Variants in BBS12 observed in about 807,000 individuals in gnomAD.
The protein encoded by BBS12 is Bardet-Biedl syndrome 12, also known as chaperonin-containing T-complex member BBS12.
BBS12 carries 5 observed loss-of-function variants against 5.6 expected under a neutral mutation model. The observed-to-expected ratio is 0.89, with a 90% confidence interval of 0.46 to 1.86. BBS12 has a LOEUF of 1.86. Ranked by LOEUF, BBS12 falls within the 40% of genes most tolerant of loss-of-function variation. The probability of loss-of-function intolerance (pLI) is 0.01; values close to 1 mark genes in which losing one functional copy is unlikely to be tolerated. For missense variants in BBS12, 748 were observed against 830.4 expected, an observed-to-expected ratio of 0.90 and a Z score of 1.22; for synonymous variants, 308 against 306.8, an observed-to-expected ratio of 1.00 and a Z score of -0.04.
At position 122,741,947 on chromosome 4, in the gene BBS12, C is replaced by T. The variant is rs774687466; in HGVS notation, c.55C>T (p.Leu19Phe). 1 of 1,613,944 alleles carries T rather than the reference C, an allele frequency of 6.2e-7. No homozygotes were observed. The highest frequency in any genetic ancestry group is 2.2e-5 in the East Asian group (1 of 44,864). Residue 19 changes from leucine to phenylalanine, a missense_variant, in exon 2 of 2, where the codon CTT (leucine) becomes TTT (phenylalanine). Leu to Phe is a conservative substitution (Grantham distance 22, BLOSUM62 0). Transcript: ENST00000314218. ...AAGAAGACACATGGGACTTCAACAA[C>T]TTTCATCATTCGCGGAAACAGGAAG... ...NKRRHMGLQQ[L>F]SSFAETGRTF... is the part of the protein sequence containing the mutation.
intron 1 of BBS12, among the ~76,000 whole-genome samples, chr4:122,734,529 G>C (rs1800757805): frequency 6.6e-6 from 1 of 152,152 alleles, no homozygotes; most frequent in South Asian, 2.1e-4. Flanking sequence ...GCCTCTCAAA[G>C]TGCTGGGATT....
chr4:122,704,039 G>A, the BBS12 span, among the ~76,000 whole-genome samples: 1 of 151,966 alleles, frequency 6.6e-6, no homozygotes, highest in Non-Finnish European at 1.5e-5. Context: ...TTGTAGAGAC[G>A]GTATCCCACT....
At chr4:122,712,932 T>G in the BBS12 span, among the ~76,000 whole-genome samples, 25 of 152,192 alleles carry the variant, frequency 1.6e-4, no homozygotes, top group Non-Finnish European at 3.1e-4. Context: ...AGATAAAATA[T>G]CTCAAGATGT....
chr4:122,702,284 A>G, the BBS12 span, among the ~76,000 whole-genome samples: 2 of 152,198 alleles, frequency 1.3e-5, no homozygotes, highest in African/African-American at 2.4e-5. Flanking sequence ...TCTGTTATCC[A>G]GACTGGAGAC....
At chr4:122,703,669 A>G in the BBS12 span, among the ~76,000 whole-genome samples, 1 of 152,222 alleles carries the variant, frequency 6.6e-6, no homozygotes. Flanking sequence ...TCCACTACCC[A>G]TTAACCTGAC....
the BBS12 span, among the ~76,000 whole-genome samples, chr4:122,712,903 G>A: frequency 2.6e-5 from 4 of 152,170 alleles, no homozygotes; most frequent in African/African-American, 9.7e-5. Flanking sequence ...TGTCCTTTCT[G>A]TACATCTGAA....
Position 122,742,365 on chromosome 4 carries a change from G to A in BBS12, c.473G>A (p.Cys158Tyr). The A allele has an allele frequency of 6.2e-7, 1 of 1,614,160 alleles. No homozygotes were observed. The highest frequency in any genetic ancestry group is 8.5e-7 in the Non-Finnish European group (1 of 1,180,020). The change falls in exon 2 of 2, where the codon TGT (cysteine) becomes TAT (tyrosine). Residue 158 changes from cysteine to tyrosine, a missense_variant. Transcript: ENST00000314218. Reference protein sequence around the residue: ...SQLETFSVSLCPFLQVPSDTD... With the variant: ...SQLETFSVSLYPFLQVPSDTD... ...CTTGAAACATTTAGTGTAAGTTTGTGTCCTTTTCTACAGGTCCCTTCAGAT... is the reference window on the plus strand; with the variant it reads ...CTTGAAACATTTAGTGTAAGTTTGTATCCTTTTCTACAGGTCCCTTCAGAT...
the BBS12 span, among the ~76,000 whole-genome samples, chr4:122,709,454 CT>C: frequency 2.0e-5 from 3 of 152,086 alleles, no homozygotes; most frequent in African/African-American, 7.2e-5. Context: ...TTCACTCTTG[CT>C]GGATAACTAC....
the BBS12 span, among the ~76,000 whole-genome samples, chr4:122,705,924 C>A: frequency 6.6e-6 from 1 of 152,200 alleles, no homozygotes; most frequent in Non-Finnish European, 1.5e-5. Flanking sequence ...ATATAACTGA[C>A]TGATATCAGT....
chr4:122,718,978 C>A, the BBS12 span, among the ~76,000 whole-genome samples: 2 of 152,204 alleles, frequency 1.3e-5, no homozygotes, highest in East Asian at 3.9e-4. Context: ...CACCACCATG[C>A]CCGGCTAATT....
chr4:122,721,048 C>T, the BBS12 span, among the ~76,000 whole-genome samples: 3 of 151,876 alleles, frequency 2.0e-5, no homozygotes, highest in African/African-American at 4.8e-5. Context: ...AATTAAAATG[C>T]TAAAAGAAAA....
chr4:122,737,806 T>A (rs996174995), intron 1 of BBS12, among the ~76,000 whole-genome samples: 1 of 152,240 alleles, frequency 6.6e-6, no homozygotes, highest in Non-Finnish European at 1.5e-5. Flanking sequence ...AAACCTGTGG[T>A]ACTGGCATAA....
chr4:122,727,644 C>G, the BBS12 span, among the ~76,000 whole-genome samples: 2 of 149,026 alleles, frequency 1.3e-5, no homozygotes, highest in African/African-American at 5.0e-5. Flanking sequence ...ACCTCCGCCT[C>G]CGGGGTTCAA....
At chr4:122,723,329 A>C in the BBS12 span, among the ~76,000 whole-genome samples, 1 of 152,202 alleles carries the variant, frequency 6.6e-6, no homozygotes, top group African/African-American at 2.4e-5. Flanking sequence ...TTTTCCTTAA[A>C]TGGTAATAGA....
At chr4:122,721,828 A>T in the BBS12 span, among the ~76,000 whole-genome samples, 1 of 152,182 alleles carries the variant, frequency 6.6e-6, no homozygotes, top group Admixed American at 6.5e-5. Flanking sequence ...ACCACATTTT[A>T]TTGGTTAAAA....
Position 122,743,350 on chromosome 4 carries a change from C to T in BBS12, c.1458C>T (p.Asn486=). Residue 486 remains asparagine, a synonymous_variant, in exon 2 of 2, where the codon AAC becomes AAT. Transcript: ENST00000314218. ...CTTTGGATGTTGTAGATAGGAACAA[C>T]AGAATCGCAATCTTATTAAAAACAG... ...SSPLDVVDRN[N]RIAILLKTEG... The T allele has an allele frequency of 2.5e-6, 4 of 1,614,144 alleles. No individual in the cohort carries two copies. The South Asian group carries it at 4.4e-5, about 18-fold the overall frequency.
chr4:122,711,958 A>G, the BBS12 span, among the ~76,000 whole-genome samples: 3 of 152,206 alleles, frequency 2.0e-5, no homozygotes, highest in Admixed American at 2.0e-4. Flanking sequence ...GCCAGGAGAG[A>G]GAAGAAACAC....
the BBS12 span, among the ~76,000 whole-genome samples, chr4:122,702,288 T>C: frequency 6.6e-6 from 1 of 152,188 alleles, no homozygotes; most frequent in Admixed American, 6.5e-5. Flanking sequence ...TTATCCAGAC[T>C]GGAGACCAGC....
At chr4:122,725,650 G>A in the BBS12 span, among the ~76,000 whole-genome samples, 4 of 152,058 alleles carry the variant, frequency 2.6e-5, no homozygotes, top group African/African-American at 9.7e-5. Flanking sequence ...TGTAATCCTA[G>A]CACTTTGGGA....
Sources: allele counts gnomAD v4.1 joint callset (sites outside exome capture counted in the v4.1 genomes callset), GRCh38; gene constraint gnomAD v4.1.1; transcripts MANE v1.5; gene names NCBI Gene and HGNC (gene_info 2026-07-23, HGNC 2026-07-21).